LUZP1: variants seen among roughly 807,000 people sequenced by gnomAD.
LUZP1 encodes the protein leucine zipper protein 1, also known as filamin mechanobinding actin cross-linking protein.
Under a neutral mutation model 71.3 loss-of-function variants are expected in LUZP1, and 25 were observed. That is an observed-to-expected ratio of 0.35 (90% CI 0.26 to 0.49). The LOEUF (loss-of-function observed/expected upper bound fraction) is 0.49, where lower values mean the gene tolerates loss of function less well. LUZP1 is among the 20% of genes least tolerant of loss of function. The probability of loss-of-function intolerance (pLI) is 0.99; values close to 1 mark genes in which losing one functional copy is unlikely to be tolerated. For missense variants in LUZP1, 1,142 were observed against 1,300.8 expected, an observed-to-expected ratio of 0.88 and a Z score of 1.88; for synonymous variants, 481 against 506.4, an observed-to-expected ratio of 0.95 and a Z score of 0.67.
At chr1:23,083,656 T>TTTA (rs1643689774), downstream of LUZP1, 3 of 240,822 alleles carry the variant, frequency 1.2e-5, no homozygotes, top group East Asian at 8.1e-5. Flanking sequence ...TGTTTTTTTT[T>TTTA]TATATTTTGA....
chr1:23,145,348 A>G (rs1381624176), intron 2 of LUZP1, among the ~76,000 whole-genome samples: 1 of 152,250 alleles, frequency 6.6e-6, no homozygotes, highest in Non-Finnish European at 1.5e-5. Context: ...GAAAAACTTA[A>G]AAGCATAACA....
rs566807493 is a variant in LUZP1, at chr1:23,122,296, A to G, written c.-225-13169T>C. Among the ~76,000 whole-genome samples, 9 of 152,328 alleles carry G rather than the reference A, an allele frequency of 5.9e-5. No homozygotes were observed. The South Asian group carries it at 1.9e-3, about 32-fold the overall frequency. On this transcript the variant is annotated intron_variant, in intron 2 of 4. Coordinates refer to ENST00000302291, the Ensembl canonical transcript of LUZP1. The stretch of plus-strand genomic sequence containing the variant: ...GAAATGACTAGAGACTGTCAAGTTA[A>G]TTGGAAAAATAAGATTCTAAGGTAG...
At position 23,169,971 on chromosome 1, in the gene LUZP1, T is replaced by TACACACAC. The variant is rs35087847; in HGVS notation, c.-484-955_-484-948dup. On this transcript the variant is annotated intron_variant, in intron 1 of 4. Transcript: ENST00000302291. ...GCCTGGTATGATCACTTCCTACCTT[T>TACACACAC]ACACACACACACACACACACACACA... Among the ~76,000 whole-genome samples the TACACACAC allele has an allele frequency of 1.3e-3, 200 of 149,320 alleles. 1 individual carries two copies. The highest frequency in any genetic ancestry group is 3.2e-3 in the African/African-American group (129 of 40,482).
intron 2 of LUZP1, among the ~76,000 whole-genome samples, chr1:23,160,430 G>T (rs569893757): frequency 6.6e-6 from 1 of 152,208 alleles, no homozygotes; most frequent in Non-Finnish European, 1.5e-5. Flanking sequence ...TTTCTAAGAA[G>T]GAACTCTGCA....
rs1480720555 is a variant in LUZP1, at chr1:23,093,500, T to A, written c.762A>T (p.Glu254Asp). ...AGTCCAGACCACCCTTCCTTCTTGA[T>A]TCTTTGGACGGCAGTGTGGAAGAGA... Residue 254 changes from glutamate to aspartate, a missense_variant, in exon 4 of 5, where the codon GAA becomes GAT. Glu to Asp is a conservative substitution (Grantham distance 45). Transcript: ENST00000302291. The surrounding 1 kb of genome is among the most constrained non-coding windows in gnomAD (Gnocchi z 4.2). 1.2e-6 allele frequency: 2 copies of A among 1,612,634 alleles called. No homozygotes were observed. The highest frequency in any genetic ancestry group is 1.7e-6 in the Non-Finnish European group (2 of 1,179,734).
chr1:23,152,751 G>T (rs376051714), intron 2 of LUZP1, among the ~76,000 whole-genome samples: 1 of 151,980 alleles, frequency 6.6e-6, no homozygotes, highest in African/African-American at 2.4e-5. Flanking sequence ...GGCTGGTCTC[G>T]AACTCCTAGC....
chr1:23,155,155 A>G (rs1203883088), intron 2 of LUZP1, among the ~76,000 whole-genome samples: 1 of 152,220 alleles, frequency 6.6e-6, no homozygotes, highest in Non-Finnish European at 1.5e-5. Flanking sequence ...TCTACCAGGG[A>G]CCATTACTTT....
At chr1:23,138,698 T>TG (rs1491578242) in intron 2 of LUZP1, among the ~76,000 whole-genome samples, 1 of 53,778 alleles carries the variant, frequency 1.9e-5, no homozygotes, top group African/African-American at 1.6e-4. Context: ...TGTGTGTGTG[T>TG]ATATATATAT....
chr1:23,095,994 C>T (rs997071796), intron 3 of LUZP1, among the ~76,000 whole-genome samples: 1 of 151,902 alleles, frequency 6.6e-6, no homozygotes, highest in Non-Finnish European at 1.5e-5. Context: ...CTAAAAATTA[C>T]AAAACACATA....
intron 2 of LUZP1, among the ~76,000 whole-genome samples, chr1:23,122,431 G>A (rs1459005950): frequency 2.0e-5 from 3 of 152,180 alleles, no homozygotes; most frequent in Non-Finnish European, 4.4e-5. Flanking sequence ...TAGCACGAGG[G>A]TTCTCTCTGC....
At chr1:23,137,724 T>C (rs752149794) in intron 2 of LUZP1, among the ~76,000 whole-genome samples, 30 of 152,002 alleles carry the variant, frequency 2.0e-4, no homozygotes, top group Non-Finnish European at 2.9e-4. Context: ...TGTAAGAGAA[T>C]GCAGAGAAAC....
At chr1:23,092,035 G>C in exon 4 of LUZP1, 1 of 1,614,016 alleles carries the variant, frequency 6.2e-7, no homozygotes. Context: ...GGGCTAAAGG[G>C]CCTTTGGCTT....
chr1:23,139,019 A>AATAT (rs1225155907), intron 2 of LUZP1, among the ~76,000 whole-genome samples: 1,286 of 59,752 alleles, frequency 0.022, 52 homozygotes, highest in Non-Finnish European at 0.027. Context: ...AAAAAAAAAA[A>AATAT]ATATATATAT....
exon 4 of LUZP1, chr1:23,091,618 T>C (rs1430474335): frequency 6.2e-7 from 1 of 1,613,972 alleles, no homozygotes; most frequent in African/African-American, 1.3e-5. Context: ...TCCGATGGCT[T>C]GATTATAATG....
exon 4 of LUZP1, chr1:23,091,449 G>A (rs1201724443): frequency 6.2e-7 from 1 of 1,614,156 alleles, no homozygotes. Context: ...ACCTATTCGA[G>A]TTGGGGGGTC....
chr1:23,161,149 G>A (rs1644461262), intron 2 of LUZP1, among the ~76,000 whole-genome samples: 1 of 152,208 alleles, frequency 6.6e-6, no homozygotes, highest in Non-Finnish European at 1.5e-5. Context: ...CAGTCACTGT[G>A]TTAGGCACTA....
chr1:23,092,630 G>T (rs148703766), exon 4 of LUZP1: 1 of 1,614,054 alleles, frequency 6.2e-7, no homozygotes, highest in Non-Finnish European at 8.5e-7. Context: ...TGCCAAGCAC[G>T]TGTCCCCTCT....
At chr1:23,088,561 C>G (rs779089175) in exon 5 of LUZP1, 1 of 200,764 alleles carries the variant, frequency 5.0e-6, no homozygotes, top group Non-Finnish European at 1.0e-5. Context: ...ACCAAGGAGC[C>G]GAGAAGAATT....
intron 3 of LUZP1, among the ~76,000 whole-genome samples, chr1:23,096,447 GA>G (rs1038548787): frequency 3.3e-5 from 5 of 152,146 alleles, no homozygotes; most frequent in African/African-American, 1.2e-4. Context: ...TAGCAGGTAA[GA>G]ATTTTCAAGA....
Sources: gnomAD v4.1 joint callset for allele counts (sites outside exome capture counted in the v4.1 genomes callset) on GRCh38, gnomAD v4.1.1 for gene constraint, Gnocchi (gnomAD v3.1) non-coding constraint, MANE v1.5 for transcripts, NCBI Gene and HGNC (gene_info 2026-07-23, HGNC 2026-07-21) for gene names.